The following SIRT3 variants were observed in gnomAD, a reference collection of about 807,000 sequenced individuals.
SIRT3 encodes NAD-dependent protein deacetylase sirtuin-3, mitochondrial.
In SIRT3, 26 loss-of-function variants were observed where a neutral mutation model predicts 33.5. That is an observed-to-expected ratio of 0.78 (90% CI 0.57 to 1.08). The LOEUF is 1.08. SIRT3 is among the 50% of genes least tolerant of loss of function. SIRT3 has a pLI of 0.00. For synonymous variants in SIRT3, 237 were observed against 222.1 expected (o/e 1.07, Z -0.60); for missense variants, 585 against 530.1 (o/e 1.10, Z -1.02).
chr11:224,074 A>C lies in SIRT3; in HGVS notation c.969+4T>G, dbSNP rs1239397841. ...CTCCTCCCTGCACAGGCCTGCTGAC[A>C]AACCTCCAGGGAGGTCCCAAGGATG... is the stretch of plus-strand genomic sequence containing the variant. On this transcript the variant is annotated splice_donor_region_variant and intron_variant, in intron 5 of 6. Coordinates refer to ENST00000382743, the MANE Select transcript of SIRT3 (RefSeq NM_012239.6). 1.9e-6 allele frequency: 3 copies of C among 1,614,022 alleles called. No homozygotes were observed. Among genetic ancestry groups the C allele is most frequent in the Non-Finnish European group, 2.5e-6 (3 of 1,179,982 alleles).
chr11:216,759 A>G, intron 6 of SIRT3, 41 bp from the exon 7 acceptor site: 1 of 1,611,754 alleles, frequency 6.2e-7, no homozygotes, highest in Non-Finnish European at 8.5e-7. Flanking sequence ...ATCTGTTTAC[A>G]CACCCAGGCA....
chr11:222,821 A>C (rs1856619957), intron 5 of SIRT3: 1 of 152,522 alleles, frequency 6.6e-6, no homozygotes, highest in Admixed American at 6.5e-5. Flanking sequence ...TCACCTGTGC[A>C]GTGTCCCCTG....
At position 236,056 on chromosome 11, in the gene SIRT3, G is replaced by T; in HGVS notation, c.273C>A (p.Phe91Leu). The change falls in exon 1 of 7, where the codon TTC (phenylalanine) becomes TTA (leucine). Residue 91 changes from phenylalanine to leucine, a missense_variant. Coordinates refer to ENST00000382743, the MANE Select transcript of SIRT3 (RefSeq NM_012239.6). ...GTCCTTGCCCAAAATACCTCGAAAA[G>T]AAGAAACTGGGAGCTGCTGCCCTCG... The part of the protein sequence containing the change: ...RQPRAAAPSF[F>L]FSSIKGGRRS... The T allele has an allele frequency of 6.6e-7, 1 of 1,520,206 alleles. No homozygotes were observed. The highest frequency in any genetic ancestry group is 8.8e-7 in the Non-Finnish European group (1 of 1,135,002). 94.2% of individuals were successfully genotyped at this position (1,520,206 alleles called of 1,614,324 possible).
chr11:236,444 G>A (rs1175575272), upstream of SIRT3: 2 of 572,170 alleles, frequency 3.5e-6, no homozygotes, highest in African/African-American at 6.7e-5. Flanking sequence ...TACCGCCCCC[G>A]CCCCCGGCGC....
chr11:231,301 T>TAGTG (rs1472290430), intron 3 of SIRT3, among the ~76,000 whole-genome samples: 1 of 151,950 alleles, frequency 6.6e-6, no homozygotes, highest in Non-Finnish European at 1.5e-5. Flanking sequence ...CCAGGCATGG[T>TAGTG]AGTGCATGCC....
chr11:216,901 G>A (rs1040512310), intron 6 of SIRT3, among the ~76,000 whole-genome samples, 183 bp from the exon 7 acceptor site: 4 of 152,166 alleles, frequency 2.6e-5, no homozygotes, highest in Non-Finnish European at 4.4e-5. Flanking sequence ...GGCAGAACAG[G>A]GTGGCTAAAT....
intron 4 of SIRT3, among the ~76,000 whole-genome samples, chr11:224,494 C>T (rs1177580434): frequency 6.6e-6 from 1 of 152,202 alleles, no homozygotes; most frequent in East Asian, 1.9e-4. Context: ...CCCATAATTA[C>T]TTCGGCAGGC....
chr11:224,653 G>A (rs958001270), intron 4 of SIRT3, among the ~76,000 whole-genome samples: 1 of 152,314 alleles, frequency 6.6e-6, no homozygotes, highest in South Asian at 2.1e-4. Context: ...TCAGAAAGGT[G>A]AAACTGTCTC....
chr11:232,346 C>T (rs939300750), intron 3 of SIRT3, among the ~76,000 whole-genome samples: 6 of 151,852 alleles, frequency 4.0e-5, no homozygotes, highest in South Asian at 2.1e-4. Flanking sequence ...CTCGAACTCC[C>T]GACCTCAGGT....
chr11:233,322 A>G (rs1451931050), intron 2 of SIRT3, 21 bp downstream of exon 2: 1 of 1,609,414 alleles, frequency 6.2e-7, no homozygotes, highest in African/African-American at 1.3e-5. Context: ...CGCAGAAGGC[A>G]GGTGGGACTG....
chr11:236,142 G>A lies in SIRT3; in HGVS notation c.187C>T (p.Pro63Ser). The A allele has an allele frequency of 6.4e-7, 1 of 1,573,360 alleles. No homozygotes were observed. The highest frequency in any genetic ancestry group is 2.4e-5 in the East Asian group (1 of 42,040). ...SHGARGEPLDPARPLQRPPRP... is the reference protein window; with the variant it reads ...SHGARGEPLDSARPLQRPPRP... ...GGAGGCCTCTGCAAGGGGCGCGCCG[G>A]GTCCAAGGGCTCACCGCGGGCCCCA... Residue 63 changes from proline to serine, a missense_variant, in exon 1 of 7, where the codon CCG (proline) becomes TCG (serine). Coordinates refer to ENST00000382743, the MANE Select transcript of SIRT3 (RefSeq NM_012239.6).
At chr11:218,562 C>T (rs995079905) in intron 6 of SIRT3, among the ~76,000 whole-genome samples, 9 of 152,176 alleles carry the variant, frequency 5.9e-5, no homozygotes, top group African/African-American at 1.4e-4. Context: ...GTGAAGGTAA[C>T]GCCTATAGTC....
chr11:233,557 C>G, intron 1 of SIRT3, 23 bp from the exon 2 acceptor site: 1 of 1,611,430 alleles, frequency 6.2e-7, no homozygotes, highest in Non-Finnish European at 8.5e-7. Flanking sequence ...AACACAGCAG[C>G]AAAGGAAACA....
At chr11:226,858 A>G (rs1438611954) in intron 4 of SIRT3, among the ~76,000 whole-genome samples, 2 of 150,876 alleles carry the variant, frequency 1.3e-5, no homozygotes, top group Admixed American at 1.3e-4. Flanking sequence ...GGTTCAAGCA[A>G]TTCGCCTGCC....
chr11:219,619 TA>T (rs10714847), intron 5 of SIRT3, among the ~76,000 whole-genome samples: 119,481 of 151,898 alleles, frequency 0.79, 47,284 homozygotes, highest in African/African-American at 0.87. Flanking sequence ...AGGAACAAGG[TA>T]AAAAAATGGA....
intron 1 of SIRT3, 112 bp from the exon 2 acceptor site, chr11:233,646 G>A: frequency 2.1e-6 from 2 of 957,222 alleles, no homozygotes; most frequent in Non-Finnish European, 3.2e-6. Flanking sequence ...GAATGAGCAT[G>A]TGTGTCTCCC....
At chr11:232,877 C>T in intron 3 of SIRT3, 106 bp downstream of exon 3, 1 of 1,082,338 alleles carries the variant, frequency 9.2e-7, no homozygotes, top group Non-Finnish European at 1.4e-6. Flanking sequence ...GAAACAGGCA[C>T]CCGAGCATCC....
chr11:233,600 G>C (rs1317820248), intron 1 of SIRT3, 66 bp from the exon 2 acceptor site: 1 of 1,522,368 alleles, frequency 6.6e-7, no homozygotes, highest in Non-Finnish European at 9.0e-7. Flanking sequence ...GCAAGAACGA[G>C]CATGGCTCTG....
At chr11:216,864 T>C (rs552596161) in intron 6 of SIRT3, 146 bp from the exon 7 acceptor site, 1 of 908,334 alleles carries the variant, frequency 1.1e-6, no homozygotes, top group East Asian at 2.4e-5. Context: ...GCTGCTGTGC[T>C]GGGCTAAGAG....
Sources: allele counts gnomAD v4.1 joint callset (sites outside exome capture counted in the v4.1 genomes callset), GRCh38; gene constraint gnomAD v4.1.1; transcripts MANE v1.5; gene names NCBI Gene and HGNC (gene_info 2026-07-23, HGNC 2026-07-21).